The following ZNF705G variants were observed in gnomAD, a reference collection of about 807,000 sequenced individuals.
ZNF705G encodes the protein zinc finger protein 705G.
ZNF705G carries 23 observed loss-of-function variants against 19.6 expected under a neutral mutation model. The observed-to-expected ratio is 1.17, with a 90% CI of 0.84 to 1.66. The LOEUF (loss-of-function observed/expected upper bound fraction) is 1.66, where lower values mean the gene tolerates loss of function less well. Ranked by LOEUF, ZNF705G falls within the 40% of genes most tolerant of loss-of-function variation. The pLI, the probability that ZNF705G is intolerant of heterozygous loss-of-function variation, is 0.00. For synonymous variants in ZNF705G, 146 were observed against 117.7 expected (o/e 1.24, Z -1.56); for missense variants, 457 against 354.4 (o/e 1.29, Z -2.32).
chr8:7,359,913 G>T (rs188139866), intron 5 of ZNF705G, among the ~76,000 whole-genome samples: 11 of 149,478 alleles, frequency 7.4e-5, no homozygotes. Context: ...AGTTAAAATG[G>T]AGATGAGATA....
chr8:7,383,125 ATTTTTT>A (rs5889203), intron 1 of ZNF705G, among the ~76,000 whole-genome samples: 4 of 125,800 alleles, frequency 3.2e-5, no homozygotes, highest in Admixed American at 7.6e-5. Context: ...TCAATGTTTG[ATTTTTT>A]TTTTTTTTTT....
Position 7,361,050 on chromosome 8 carries a change from C to A in ZNF705G, c.139+60G>T, listed in dbSNP as rs569626405. 21 of 1,592,248 alleles carry A rather than the reference C, an allele frequency of 1.3e-5. 1 individual carries two copies. Among genetic ancestry groups the A allele is most frequent in the African/African-American group, 7.0e-5 (5 of 71,116 alleles). ...GAGATATGGGGAAGCTGTTTTAACA[C>A]TTATTGAATGAATGAGTGAATGTGT... On this transcript the variant is annotated intron_variant, in intron 4 of 6. Transcript: ENST00000400156.
chr8:7,379,751 C>T (rs1418910949), intron 2 of ZNF705G, among the ~76,000 whole-genome samples: 2 of 147,228 alleles, frequency 1.4e-5, no homozygotes, highest in Non-Finnish European at 2.9e-5. Flanking sequence ...CCTCGCAGGC[C>T]CTGAGACTGC....
At chr8:7,364,093 T>G (rs1243065799) in intron 2 of ZNF705G, among the ~76,000 whole-genome samples, 1 of 149,390 alleles carries the variant, frequency 6.7e-6, no homozygotes, top group African/African-American at 2.6e-5. Flanking sequence ...GCAATCATGG[T>G]TTATATTAGT....
chr8:7,380,464 C>G (rs1807438712), intron 2 of ZNF705G, among the ~76,000 whole-genome samples: 1 of 147,436 alleles, frequency 6.8e-6, no homozygotes, highest in Admixed American at 6.6e-5. Context: ...ATGCCTATCA[C>G]CATCAAGTAC....
intron 2 of ZNF705G, 139 bp from the exon 3 acceptor site, chr8:7,363,156 G>A (rs1236810489): frequency 2.6e-5 from 31 of 1,200,884 alleles, no homozygotes; most frequent in African/African-American, 2.4e-4. Context: ...ACATGCAGAG[G>A]CCTCTCCTCT....
At chr8:7,367,315 T>C (rs973295177) in intron 2 of ZNF705G, among the ~76,000 whole-genome samples, 10 of 149,172 alleles carry the variant, frequency 6.7e-5, no homozygotes. Flanking sequence ...TCTCTAAAAA[T>C]GATAATTAGG....
chr8:7,368,225 C>G (rs1209021066), intron 2 of ZNF705G, among the ~76,000 whole-genome samples: 1 of 149,604 alleles, frequency 6.7e-6, no homozygotes, highest in Non-Finnish European at 1.5e-5. Flanking sequence ...ATTTTTGAGA[C>G]TACTACTAAA....
At chr8:7,383,407 G>T (rs1361482183) in intron 1 of ZNF705G, among the ~76,000 whole-genome samples, 1 of 146,412 alleles carries the variant, frequency 6.8e-6, no homozygotes, top group African/African-American at 2.8e-5. Context: ...AGCTTCTAAA[G>T]TAACAGGCAC....
chr8:7,382,903 A>T (rs1807557389), intron 1 of ZNF705G, among the ~76,000 whole-genome samples: 1 of 147,074 alleles, frequency 6.8e-6, no homozygotes, highest in South Asian at 2.1e-4. Flanking sequence ...AGTAGAGTAC[A>T]TTGTACCTAA....
chr8:7,367,281 T>A (rs1285829193), intron 2 of ZNF705G, among the ~76,000 whole-genome samples: 1 of 149,328 alleles, frequency 6.7e-6, no homozygotes. Context: ...TGTCAGGTGA[T>A]GGCCTGTCAA....
rs763484902 is a variant in ZNF705G, at chr8:7,358,200, G to T, written c.679C>A (p.Pro227Thr). 3 of 1,607,448 alleles carry T rather than the reference G, an allele frequency of 1.9e-6. No homozygotes were observed. The highest frequency in any genetic ancestry group is 1.4e-5 in the African/African-American group (1 of 71,126). Reference sequence around the variant, plus strand: ...TTCCCATATTGATGACACTTATATGGTCTCTGTCCCGTGTGAGTTTTCTCG... The same window carrying T: ...TTCCCATATTGATGACACTTATATGTTCTCTGTCCCGTGTGAGTTTTCTCG... ...RHEKTHTGQR[P>T]YKCHQYGKVF... The change falls in exon 7 of 7, where the codon CCA becomes ACA. Residue 227 changes from proline to threonine, a missense_variant. Pro to Thr is a conservative substitution (Grantham distance 38, BLOSUM62 -1). Coordinates refer to ENST00000400156, the MANE Select transcript of ZNF705G (RefSeq NM_001164457.3).
chr8:7,376,090 G>A (rs1294757985), intron 2 of ZNF705G, among the ~76,000 whole-genome samples: 1 of 90,930 alleles, frequency 1.1e-5, no homozygotes, highest in Non-Finnish European at 2.1e-5. Flanking sequence ...GAGATGGAAA[G>A]CTCAGGGATC....
intron 3 of ZNF705G, 67 bp downstream of exon 3, chr8:7,362,868 G>A (rs1221805982): frequency 3.8e-6 from 6 of 1,577,480 alleles, no homozygotes; most frequent in East Asian, 2.2e-5. Context: ...CATGCAAATT[G>A]GAGAAAACTG....
intron 3 of ZNF705G, among the ~76,000 whole-genome samples, chr8:7,361,999 G>C (rs1302698881): frequency 6.7e-6 from 1 of 149,632 alleles, no homozygotes; most frequent in Non-Finnish European, 1.5e-5. Context: ...ATCTTAGTCC[G>C]ATGATTCCTG....
intron 2 of ZNF705G, among the ~76,000 whole-genome samples, chr8:7,376,880 A>ACT (rs1554527673): frequency 1.2e-4 from 17 of 145,140 alleles, no homozygotes; most frequent in Non-Finnish European, 1.5e-5. Flanking sequence ...ATATAGAGAG[A>ACT]GTGTGTGTGT....
At chr8:7,383,129 T>TTA (rs1177719259) in intron 1 of ZNF705G, among the ~76,000 whole-genome samples, 91 of 140,696 alleles carry the variant, frequency 6.5e-4, no homozygotes, top group East Asian at 1.2e-3. Context: ...TGTTTGATTT[T>TTA]TTTTTTTTTT....
rs573975416 is a variant in ZNF705G at position 7,358,374 on chromosome 8, C to T, written c.505G>A (p.Gly169Ser). The change falls in exon 7 of 7, where the codon GGT becomes AGT. Residue 169 changes from glycine (G) to serine (S), a missense_variant. By Grantham distance (56) the Gly-to-Ser change is moderately conservative. Coordinates refer to ENST00000400156, the MANE Select transcript of ZNF705G (RefSeq NM_001164457.3). ...CATAGATTACACTGATATGATTTAC[C>T]TTTAGTATGAATTTGTTTATGTGGT... ...TEPHKQIHTK[G>S]KSYQCNLCEK... 1.2e-6 allele frequency: 2 copies of T among 1,607,528 alleles called. No individual in the cohort carries two copies. The highest frequency in any genetic ancestry group is 1.4e-5 in the African/African-American group (1 of 71,238).
At chr8:7,360,595 C>G (rs71511223) in intron 4 of ZNF705G, among the ~76,000 whole-genome samples, 1 of 149,258 alleles carries the variant, frequency 6.7e-6, no homozygotes, top group African/African-American at 2.6e-5. Context: ...AGTTCCAAGA[C>G]GCAATGCATA....
Sources: gnomAD v4.1 joint callset for allele counts (sites outside exome capture counted in the v4.1 genomes callset) on GRCh38, gnomAD v4.1.1 for gene constraint, MANE v1.5 for transcripts, NCBI Gene and HGNC (gene_info 2026-07-23, HGNC 2026-07-21) for gene names.